GALNT6: variants seen among roughly 807,000 people sequenced by gnomAD.
The protein encoded by GALNT6 is GalNAc transferase 6.
GALNT6 carries 51 observed loss-of-function variants against 65.9 expected under a neutral mutation model. That is an observed-to-expected ratio of 0.77 (90% confidence interval 0.62 to 0.98). The LOEUF (loss-of-function observed/expected upper bound fraction) is 0.98. Among genes scored for constraint, GALNT6 ranks in the 50% least tolerant of loss-of-function variants. The pLI is 0.00. For synonymous variants in GALNT6, 323 were observed against 315.1 expected (o/e 1.02, Z -0.26); for missense variants, 708 against 803.3 (o/e 0.88, Z 1.43).
intron 3 of GALNT6, among the ~76,000 whole-genome samples, chr12:51,377,875 T>C (rs888700182): frequency 6.6e-6 from 1 of 152,220 alleles, no homozygotes; most frequent in African/African-American, 2.4e-5. Context: ...ATTTTCTCAT[T>C]AACTCCCTGT....
chr12:51,360,420 T>C (rs968716634), intron 7 of GALNT6, among the ~76,000 whole-genome samples: 3 of 152,086 alleles, frequency 2.0e-5, no homozygotes, highest in African/African-American at 7.2e-5. Context: ...CCTAACCCTT[T>C]CCCACAGACA....
chr12:51,357,577 C>T (rs1946789295), intron 9 of GALNT6, 127 bp from the exon 10 acceptor site: 3 of 666,970 alleles, frequency 4.5e-6, no homozygotes, highest in Middle Eastern at 3.2e-4. Flanking sequence ...GGATTTCCCC[C>T]GTCATTTCTC....
intron 10 of GALNT6, 57 bp downstream of exon 10, chr12:51,357,292 T>C (rs1440133068): frequency 1.6e-5 from 18 of 1,107,910 alleles, no homozygotes; most frequent in Non-Finnish European, 2.5e-5. Context: ...CTCTTTAGGG[T>C]AGAGAAAAGG....
At chr12:51,386,521 G>C (rs905730727) in intron 2 of GALNT6, among the ~76,000 whole-genome samples, 1 of 152,188 alleles carries the variant, frequency 6.6e-6, no homozygotes, top group African/African-American at 2.4e-5. Context: ...TGGCCTCTTT[G>C]TAACAATGTT....
At chr12:51,375,322 C>T (rs1178326400) in intron 4 of GALNT6, among the ~76,000 whole-genome samples, 3 of 152,164 alleles carry the variant, frequency 2.0e-5, no homozygotes, top group African/African-American at 7.2e-5. Flanking sequence ...CTCTCTTAGA[C>T]ACTCATCCTT....
rs1946612841 is a variant in GALNT6 at position 51,351,367 on chromosome 12, C to T, written c.*3012G>A. 6.6e-6 allele frequency: 1 copy of T among 152,202 alleles called. No homozygotes were observed. Among genetic ancestry groups the T allele is most frequent in the Non-Finnish European group, 1.5e-5 (1 of 68,050 alleles). The allele number at this position is 152,202 out of a possible 1,614,324, so 9.4% of individuals were successfully genotyped here. A position where few individuals can be genotyped will look rare whatever the true frequency, so the allele number is the denominator to read the frequency against. ...GGCCCCTGAAATTCATGATGTAACT[C>T]TGATCTTCCAGCTTCTACACCAGTC... On this transcript the variant is annotated 3_prime_UTR_variant, in exon 12 of 12. Coordinates refer to ENST00000356317, the MANE Select transcript of GALNT6 (RefSeq NM_007210.4).
intron 5 of GALNT6, 134 bp downstream of exon 5, chr12:51,365,296 C>T: frequency 1.3e-6 from 1 of 757,504 alleles, no homozygotes. Flanking sequence ...GTAGAGGCAC[C>T]TGGAGTGGGT....
At chr12:51,363,853 A>G (rs1030089515) in intron 6 of GALNT6, among the ~76,000 whole-genome samples, 1 of 152,240 alleles carries the variant, frequency 6.6e-6, no homozygotes, top group African/African-American at 2.4e-5. Context: ...GTCATGGTGA[A>G]TAAGAGCAGT....
chr12:51,383,098 G>A (rs1397654777), intron 2 of GALNT6, among the ~76,000 whole-genome samples: 4 of 152,328 alleles, frequency 2.6e-5, no homozygotes, highest in Non-Finnish European at 5.9e-5. Flanking sequence ...AGCACAGACA[G>A]TAAGAGCTAA....
At chr12:51,369,826 G>T (rs1403893825) in intron 4 of GALNT6, among the ~76,000 whole-genome samples, 2 of 152,090 alleles carry the variant, frequency 1.3e-5, no homozygotes. Flanking sequence ...TGCAGGTACT[G>T]CCAGCTCTCT....
rs1363308510 is a variant in GALNT6, at chr12:51,387,438, G to A, written c.-104+3412C>T. 6.6e-6 allele frequency among the ~76,000 whole-genome samples: 1 copy of A among 152,128 alleles called. No individual in the cohort carries two copies. Among genetic ancestry groups the A allele is most frequent in the Non-Finnish European group, 1.5e-5 (1 of 68,034 alleles). On this transcript the variant is annotated intron_variant, in intron 2 of 11. Transcript: ENST00000356317. This position sits in a 1 kb window ranked among gnomAD's most constrained non-coding sequence, Gnocchi z 4.2. The stretch of plus-strand genomic sequence containing the variant: ...TTTTAAGCTTAAATTACCCAAACAT[G>A]GATTTTCTATTGAAAAACTCAACCC...
At chr12:51,380,404 TGATGACCAA>T (rs1358942125) in intron 2 of GALNT6, among the ~76,000 whole-genome samples, 1 of 152,152 alleles carries the variant, frequency 6.6e-6, no homozygotes, top group Non-Finnish European at 1.5e-5. Flanking sequence ...TGCTCTACAG[TGATGACCAA>T]GAATGAACCA....
chr12:51,385,415 G>A (rs1352341268), intron 2 of GALNT6, among the ~76,000 whole-genome samples: 1 of 152,178 alleles, frequency 6.6e-6, no homozygotes, highest in Non-Finnish European at 1.5e-5. Context: ...AAGTTTAAAT[G>A]ATTCCATTTT....
In GALNT6 at chr12:51,354,451, T is replaced by A; in HGVS notation, c.1797A>T (p.Thr599=). The A allele has an allele frequency of 6.3e-7, 1 of 1,594,078 alleles. No individual in the cohort carries two copies. Among genetic ancestry groups the A allele is most frequent in the East Asian group, 2.3e-5 (1 of 43,158 alleles). The change falls in exon 12 of 12, where the codon ACA becomes ACT. Residue 599 remains threonine, a synonymous_variant. Coordinates refer to ENST00000356317, the MANE Select transcript of GALNT6 (RefSeq NM_007210.4). The part of the protein sequence containing the change: ...IRNSGSGTCL[T]SQDKKPAMAP... ...CCATGGCTGGCTTTTTGTCCTGGGA[T>A]GTCAGGCAGGTACCAGATCCTGAGT...
intron 6 of GALNT6, among the ~76,000 whole-genome samples, chr12:51,363,579 C>T (rs1261459621): frequency 6.6e-6 from 1 of 152,220 alleles, no homozygotes; most frequent in African/African-American, 2.4e-5. Flanking sequence ...CAAAGAAGTT[C>T]AGGGCAACTG....
intron 4 of GALNT6, among the ~76,000 whole-genome samples, chr12:51,376,234 A>G (rs944062446): frequency 1.3e-5 from 2 of 152,136 alleles, no homozygotes; most frequent in South Asian, 4.1e-4. Context: ...CAGAGCTAGG[A>G]AGGGTCAGAG....
At chr12:51,360,683 G>C in intron 7 of GALNT6, 38 bp downstream of exon 7, 1 of 1,167,984 alleles carries the variant, frequency 8.6e-7, no homozygotes, top group Non-Finnish European at 1.3e-6. Flanking sequence ...TGTCGCCTGG[G>C]ATGTTGTGGT....
chr12:51,362,929 C>T (rs974567174), intron 6 of GALNT6, among the ~76,000 whole-genome samples: 1 of 151,684 alleles, frequency 6.6e-6, no homozygotes, highest in African/African-American at 2.4e-5. Flanking sequence ...AACTCCTGAG[C>T]TCAAGCAATC....
intron 7 of GALNT6, chr12:51,359,920 C>G (rs1045012948): frequency 6.6e-6 from 1 of 152,176 alleles, no homozygotes; most frequent in African/African-American, 2.4e-5. Flanking sequence ...GACATCCCTC[C>G]CACTGGTTTC....
Sources: allele counts gnomAD v4.1 joint callset (sites outside exome capture counted in the v4.1 genomes callset), GRCh38; gene constraint gnomAD v4.1.1; non-coding constraint Gnocchi (gnomAD v3.1); transcripts MANE v1.5; gene names NCBI Gene and HGNC (gene_info 2026-07-23, HGNC 2026-07-21).